VPS13B: variants seen among roughly 807,000 people sequenced by gnomAD.
The protein encoded by VPS13B is intermembrane lipid transfer protein VPS13B.
Under a neutral mutation model 426.4 loss-of-function variants are expected in VPS13B, and 285 were observed. The ratio of observed to expected loss-of-function variants is 0.67; its 90% confidence interval spans 0.61 to 0.74. The LOEUF (loss-of-function observed/expected upper bound fraction) is 0.74. Among genes scored for constraint, VPS13B ranks in the 30% least tolerant of loss-of-function variants. The pLI is 0.00. For missense variants in VPS13B, 4,537 were observed against 4,782.6 expected, an observed-to-expected ratio of 0.95 and a Z score of 1.51; for synonymous variants, 1,676 against 1,676.4, an observed-to-expected ratio of 1.00 and a Z score of 0.01.
chr8:99,189,923 G>A (rs922218561), intron 16 of VPS13B, among the ~76,000 whole-genome samples: 11 of 152,102 alleles, frequency 7.2e-5, no homozygotes, highest in Non-Finnish European at 1.5e-4. Context: ...TGCTGTTGTT[G>A]GGTGGGGTGT....
intron 24 of VPS13B, among the ~76,000 whole-genome samples, chr8:99,468,582 G>A (rs1819235353): frequency 6.6e-6 from 1 of 151,870 alleles, no homozygotes; most frequent in Admixed American, 6.6e-5. Context: ...GAGCTTGATG[G>A]CACATGCCTA....
intron 34 of VPS13B, among the ~76,000 whole-genome samples, chr8:99,656,355 C>T (rs573780308): frequency 6.6e-6 from 1 of 152,264 alleles, no homozygotes; most frequent in South Asian, 2.1e-4. Context: ...CGTAAATGTG[C>T]TCATCAACAT....
At chr8:99,606,797 T>C (rs544434168) in intron 33 of VPS13B, among the ~76,000 whole-genome samples, 4 of 152,190 alleles carry the variant, frequency 2.6e-5, no homozygotes, top group Non-Finnish European at 4.4e-5. Flanking sequence ...CCAGCTAATT[T>C]TGTATTTTCT....
intron 23 of VPS13B, among the ~76,000 whole-genome samples, chr8:99,444,283 GA>G (rs1817811769): frequency 6.6e-6 from 1 of 151,934 alleles, no homozygotes; most frequent in African/African-American, 2.4e-5. Context: ...ATTTTTAGTA[GA>G]GTCAGGGTTT....
intron 33 of VPS13B, among the ~76,000 whole-genome samples, chr8:99,638,245 C>T (rs1829148822): frequency 6.6e-6 from 1 of 152,068 alleles, no homozygotes; most frequent in Admixed American, 6.6e-5. Context: ...GATGTTTCCT[C>T]TTACCCAAAG....
At chr8:99,705,842 A>G (rs1476762291) in intron 36 of VPS13B, among the ~76,000 whole-genome samples, 1 of 152,152 alleles carries the variant, frequency 6.6e-6, no homozygotes, top group Non-Finnish European at 1.5e-5. Flanking sequence ...CACTGGGTTG[A>G]GTTTCTGATG....
chr8:99,014,233 G>A (rs891149499), intron 2 of VPS13B, among the ~76,000 whole-genome samples: 2 of 145,686 alleles, frequency 1.4e-5, no homozygotes, highest in African/African-American at 5.1e-5. Context: ...TTCTCCTGCC[G>A]TAGCCTCCCT....
At chr8:99,519,970 G>T (rs1367736137) in intron 29 of VPS13B, among the ~76,000 whole-genome samples, 1 of 152,106 alleles carries the variant, frequency 6.6e-6, no homozygotes, top group Non-Finnish European at 1.5e-5. Context: ...TAAATGTAAT[G>T]AATGGGGCCA....
chr8:99,865,784 C>G (rs1337228426), intron 58 of VPS13B, among the ~76,000 whole-genome samples: 1 of 152,188 alleles, frequency 6.6e-6, no homozygotes, highest in East Asian at 1.9e-4. Flanking sequence ...TATGCCTGTC[C>G]TTCTGATAGT....
chr8:99,168,281 A>G (rs148581238), intron 15 of VPS13B, among the ~76,000 whole-genome samples: 9 of 152,214 alleles, frequency 5.9e-5, no homozygotes, highest in East Asian at 3.9e-4. Flanking sequence ...ACAGAATAGT[A>G]TGTAGTTTCC....
intron 24 of VPS13B, among the ~76,000 whole-genome samples, chr8:99,471,802 A>T (rs528622439): frequency 1.3e-5 from 2 of 152,168 alleles, no homozygotes; most frequent in Admixed American, 1.3e-4. Context: ...AGAATTGAAT[A>T]ACGGAACAGT....
At chr8:99,628,189 G>GGAAACTTAGTGGA (rs2133905542) in intron 33 of VPS13B, among the ~76,000 whole-genome samples, 2 of 152,338 alleles carry the variant, frequency 1.3e-5, no homozygotes, top group South Asian at 4.1e-4. Flanking sequence ...GGAAACTGTG[G>GGAAACTTAGTGGA]AACTCAGCCA....
rs574656851 is a variant in VPS13B, at chr8:99,017,820, A to G, written c.147+3885A>G. Among the ~76,000 whole-genome samples the G allele has an allele frequency of 3.9e-5, 6 of 152,256 alleles. No individual in the cohort carries two copies. The South Asian group carries it at 1.2e-3, about 32-fold the overall frequency. On this transcript the variant is annotated intron_variant, in intron 2 of 61. Coordinates refer to ENST00000357162, the MANE Select transcript of VPS13B (RefSeq NM_152564.5). ...CATATACATTTTAATTTCAACTTAT[A>G]ACTTTTAGAATTAATTTCTAAAAAG...
intron 50 of VPS13B, among the ~76,000 whole-genome samples, chr8:99,822,403 G>A (rs917543258): frequency 2.0e-5 from 3 of 152,052 alleles, no homozygotes; most frequent in African/African-American, 4.8e-5. Flanking sequence ...AAGTTGTCTG[G>A]GCAACACATG....
chr8:99,537,479 T>C (rs1823315980), intron 30 of VPS13B, among the ~76,000 whole-genome samples: 2 of 152,186 alleles, frequency 1.3e-5, no homozygotes, highest in South Asian at 4.1e-4. Context: ...TTGTTCTCCA[T>C]AGTTTAACCC....
chr8:99,394,718 A>G (rs1169152663), intron 21 of VPS13B, among the ~76,000 whole-genome samples: 2 of 152,156 alleles, frequency 1.3e-5, no homozygotes, highest in Non-Finnish European at 2.9e-5. Flanking sequence ...CAAGCAGAAT[A>G]CTCCATAAAT....
At chr8:99,500,495 T>C (rs951588985) in intron 25 of VPS13B, among the ~76,000 whole-genome samples, 1 of 152,148 alleles carries the variant, frequency 6.6e-6, no homozygotes, top group Non-Finnish European at 1.5e-5. Context: ...GAGATAAATA[T>C]CACTATAATA....
At chr8:99,778,555 T>C in intron 41 of VPS13B, 127 bp from the exon 42 acceptor site, 1 of 846,400 alleles carries the variant, frequency 1.2e-6, no homozygotes, top group South Asian at 1.5e-5. Flanking sequence ...ATAATTTGAA[T>C]TTATTAAACA....
chr8:99,605,997 G>C (rs1827552270), intron 33 of VPS13B, among the ~76,000 whole-genome samples: 1 of 152,138 alleles, frequency 6.6e-6, no homozygotes, highest in African/African-American at 2.4e-5. Flanking sequence ...CCAGATTCAA[G>C]GGATCCTCCC....
Sources: gnomAD v4.1 joint callset for allele counts (sites outside exome capture counted in the v4.1 genomes callset) on GRCh38, gnomAD v4.1.1 for gene constraint, MANE v1.5 for transcripts, NCBI Gene and HGNC (gene_info 2026-07-23, HGNC 2026-07-21) for gene names.